The following CADPS2 variants were observed in gnomAD, a reference collection of about 807,000 sequenced individuals.
CADPS2 encodes the protein calcium-dependent secretion activator 2.
CADPS2 carries 93 observed loss-of-function variants against 172.5 expected under a neutral mutation model. The ratio of observed to expected loss-of-function variants is 0.54; its 90% confidence interval spans 0.46 to 0.64. The LOEUF (loss-of-function observed/expected upper bound fraction) is 0.64, where lower values mean the gene tolerates loss of function less well. CADPS2 is among the 30% of genes least tolerant of loss of function. The probability of loss-of-function intolerance (pLI) is 0.00; values close to 1 mark genes in which losing one functional copy is unlikely to be tolerated. For missense variants in CADPS2, 1,420 were observed against 1,565.9 expected, an observed-to-expected ratio of 0.91 and a Z score of 1.57; for synonymous variants, 546 against 555.2, an observed-to-expected ratio of 0.98 and a Z score of 0.23.
intron 1 of CADPS2, among the ~76,000 whole-genome samples, chr7:122,805,920 A>G (rs73718013): frequency 0.016 from 2,448 of 152,316 alleles, 61 homozygotes; most frequent in African/African-American, 0.056. Flanking sequence ...CTCTTCATGG[A>G]TGTTTTAAAT....
At chr7:122,846,036 G>T (rs1385367321) in intron 1 of CADPS2, among the ~76,000 whole-genome samples, 2 of 152,174 alleles carry the variant, frequency 1.3e-5, no homozygotes. Context: ...AATATGATGA[G>T]TTCTGGCTGT....
intron 9 of CADPS2, among the ~76,000 whole-genome samples, chr7:122,502,906 T>A (rs1184556527): frequency 6.6e-6 from 1 of 152,118 alleles, no homozygotes; most frequent in Non-Finnish European, 1.5e-5. Flanking sequence ...AGTCCAATTT[T>A]ATAGATTTTT....
chr7:122,505,106 T>C (rs990545413), intron 9 of CADPS2, among the ~76,000 whole-genome samples: 1 of 152,222 alleles, frequency 6.6e-6, no homozygotes, highest in African/African-American at 2.4e-5. Flanking sequence ...TTCCAAAAGC[T>C]CTTTATATAA....
intron 2 of CADPS2, among the ~76,000 whole-genome samples, chr7:122,709,063 C>T (rs1287350107): frequency 6.6e-6 from 1 of 151,928 alleles, no homozygotes; most frequent in Non-Finnish European, 1.5e-5. Flanking sequence ...GAAAAATATA[C>T]CAAGCAGATT....
intron 27 of CADPS2, among the ~76,000 whole-genome samples, chr7:122,356,064 T>C (rs2039360291): frequency 6.6e-6 from 1 of 152,220 alleles, no homozygotes; most frequent in African/African-American, 2.4e-5. Flanking sequence ...AATGAACATA[T>C]ATTGACACAA....
intron 22 of CADPS2, 83 bp downstream of exon 22, chr7:122,393,113 C>T: frequency 7.0e-7 from 1 of 1,424,566 alleles, no homozygotes; most frequent in Non-Finnish European, 9.4e-7. Context: ...AAATGCCATG[C>T]AGTCTAAACA....
chr7:122,483,788 G>T (rs1233052236), intron 11 of CADPS2, among the ~76,000 whole-genome samples: 2 of 151,966 alleles, frequency 1.3e-5, no homozygotes, highest in Non-Finnish European at 2.9e-5. Flanking sequence ...AATTTAAAGG[G>T]TATACTTTAA....
intron 2 of CADPS2, among the ~76,000 whole-genome samples, chr7:122,712,958 G>C (rs1343467872): frequency 6.6e-6 from 1 of 151,936 alleles, no homozygotes. Flanking sequence ...TGGGGGTCAA[G>C]ATTTCAACAT....
chr7:122,454,868 G>GATCCACAT lies in CADPS2; in HGVS notation c.2187-3394_2187-3393insATGTGGAT, dbSNP rs1281765173. On this transcript the variant is annotated intron_variant, in intron 14 of 29. Transcript: ENST00000449022. ...ACCTTCCCTCACCATATCCACCACT[G>GATCCACAT]ATCCACTGATCCCAGCCACTATCTG... Among the ~76,000 whole-genome samples the GATCCACAT allele has an allele frequency of 1.1e-4, 17 of 152,094 alleles. No individual in the cohort carries two copies. The South Asian group carries it at 3.3e-3, about 30-fold the overall frequency.
intron 7 of CADPS2, among the ~76,000 whole-genome samples, chr7:122,565,503 A>G (rs1422785730): frequency 6.6e-6 from 1 of 152,170 alleles, no homozygotes; most frequent in Non-Finnish European, 1.5e-5. Context: ...CAGAGCCAAT[A>G]CCAGAATTAA....
chr7:122,618,550 A>T (rs2133936201), intron 5 of CADPS2, among the ~76,000 whole-genome samples: 1 of 152,240 alleles, frequency 6.6e-6, no homozygotes, highest in Non-Finnish European at 1.5e-5. Context: ...GTGAAATTTG[A>T]GGAGAGTTTT....
chr7:122,387,756 C>G (rs1167957454), intron 23 of CADPS2, among the ~76,000 whole-genome samples: 1 of 152,072 alleles, frequency 6.6e-6, no homozygotes, highest in South Asian at 2.1e-4. Context: ...CTGAAGTATC[C>G]TATGAAAATC....
At chr7:122,747,381 T>C (rs1358718842) in intron 1 of CADPS2, among the ~76,000 whole-genome samples, 1 of 152,142 alleles carries the variant, frequency 6.6e-6, no homozygotes, top group Non-Finnish European at 1.5e-5. Flanking sequence ...AGAGAAAATT[T>C]CTACCCAACG....
chr7:122,766,813 T>C (rs1194868274), intron 1 of CADPS2, among the ~76,000 whole-genome samples: 1 of 152,200 alleles, frequency 6.6e-6, no homozygotes, highest in African/African-American at 2.4e-5. Context: ...ACTGTCACTC[T>C]GTTTGGCAGA....
At chr7:122,662,220 T>G (rs2135347353) in intron 3 of CADPS2, among the ~76,000 whole-genome samples, 1 of 152,290 alleles carries the variant, frequency 6.6e-6, no homozygotes, top group South Asian at 2.1e-4. Flanking sequence ...TGTCAGAATT[T>G]TATCAATTTA....
intron 7 of CADPS2, among the ~76,000 whole-genome samples, chr7:122,564,991 C>T (rs936983073): frequency 9.2e-5 from 14 of 151,924 alleles, no homozygotes; most frequent in African/African-American, 2.9e-4. Context: ...TCAAATACAG[C>T]ATGTTCTCAC....
chr7:122,747,560 A>C (rs2092769138), intron 1 of CADPS2, among the ~76,000 whole-genome samples: 1 of 152,170 alleles, frequency 6.6e-6, no homozygotes, highest in African/African-American at 2.4e-5. Context: ...GCACAATTCT[A>C]ACCTCTTTAC....
intron 29 of CADPS2, among the ~76,000 whole-genome samples, chr7:122,321,612 C>T (rs146813210): frequency 0.01 from 1,594 of 152,270 alleles, 28 homozygotes; most frequent in African/African-American, 0.037. Flanking sequence ...CCTCAGCCTC[C>T]CGAGTAGCTG....
intron 6 of CADPS2, among the ~76,000 whole-genome samples, chr7:122,599,888 A>T (rs1311471064): frequency 2.0e-5 from 3 of 152,076 alleles, no homozygotes; most frequent in Non-Finnish European, 4.4e-5. Flanking sequence ...TTATCATCTC[A>T]GTACCTACAC....
Sources: allele counts gnomAD v4.1 joint callset (sites outside exome capture counted in the v4.1 genomes callset), GRCh38; gene constraint gnomAD v4.1.1; transcripts MANE v1.5; gene names NCBI Gene and HGNC (gene_info 2026-07-23, HGNC 2026-07-21).